Variants in LDAH observed in about 807,000 individuals in gnomAD.
The protein encoded by LDAH is lipid droplet associated hydrolase.
Under a neutral mutation model 29.6 loss-of-function variants are expected in LDAH, and 26 were observed. That is an observed-to-expected ratio of 0.88 (90% CI 0.64 to 1.22). LDAH has a LOEUF of 1.22. LDAH is among the 50% of genes most tolerant of loss of function. The pLI is 0.00. For missense variants in LDAH, 344 were observed against 387.3 expected (o/e 0.89, Z 0.94); for synonymous variants, 117 against 133.0 (o/e 0.88, Z 0.83).
At chr2:20,734,960 T>C (rs1019505243) in intron 5 of LDAH, among the ~76,000 whole-genome samples, 1 of 152,218 alleles carries the variant, frequency 6.6e-6, no homozygotes, top group African/African-American at 2.4e-5. Context: ...TTCCTTTGGG[T>C]CTCCATGGAT....
At chr2:20,799,728 G>A (rs981571182) in intron 2 of LDAH, among the ~76,000 whole-genome samples, 1 of 151,660 alleles carries the variant, frequency 6.6e-6, no homozygotes, top group Admixed American at 6.6e-5. Flanking sequence ...CTGCCTTTAC[G>A]AGATCAATTT....
At chr2:20,821,937 C>A (rs1673344001) in intron 1 of LDAH, among the ~76,000 whole-genome samples, 1 of 152,138 alleles carries the variant, frequency 6.6e-6, no homozygotes, top group Admixed American at 6.5e-5. Flanking sequence ...GTTTCTAAGT[C>A]TTTAACCTTC....
intron 5 of LDAH, among the ~76,000 whole-genome samples, chr2:20,714,139 C>T (rs184480981): frequency 6.6e-6 from 1 of 152,286 alleles, no homozygotes; most frequent in Admixed American, 6.5e-5. Context: ...AAGTAAAGCA[C>T]TCCTCAGCAA....
intron 1 of LDAH, among the ~76,000 whole-genome samples, chr2:20,813,704 C>G (rs79617217): frequency 0.033 from 4,951 of 152,278 alleles, 109 homozygotes; most frequent in Non-Finnish European, 0.05. Context: ...AGAATGGTAT[C>G]TTTCCCTCTG....
intron 5 of LDAH, among the ~76,000 whole-genome samples, chr2:20,712,840 A>G (rs189213316): frequency 0.012 from 1,903 of 152,330 alleles, 26 homozygotes; most frequent in Non-Finnish European, 0.021. Context: ...TTTAGAGAAA[A>G]AAAGAGTAAA....
Position 20,686,859 on chromosome 2 carries a change from C to A in LDAH, c.*44G>T. On this transcript the variant is annotated 3_prime_UTR_variant, in exon 7 of 7. Transcript: ENST00000237822. ...TTACCTACTAAGTCTAGTACACTGA[C>A]TGCCTCCATGTACTGGCAGTGGGGG... 1 of 1,516,112 alleles carries A rather than the reference C, an allele frequency of 6.6e-7. No individual in the cohort carries two copies. Among genetic ancestry groups the A allele is most frequent in the Non-Finnish European group, 9.1e-7 (1 of 1,103,896 alleles). The allele number at this position is 1,516,112 out of a possible 1,614,324, so 93.9% of individuals were successfully genotyped here.
At position 20,698,309 on chromosome 2, in the gene LDAH, ACATAGGGAGTAACATCTAAC is replaced by A. The variant is rs1663649021; in HGVS notation, c.786+3241_786+3260del. ...TGTGTGATAAATGCAATATAACTTT[ACATAGGGAGTAACATCTAAC>A]CAAAACCAAGGACTGGGAAGGCCTC... On this transcript the variant is annotated intron_variant, in intron 6 of 6. Transcript: ENST00000237822. This position sits in a 1 kb window ranked among gnomAD's most constrained non-coding sequence, Gnocchi z 4.4. 6.6e-6 allele frequency among the ~76,000 whole-genome samples: 1 copy of A among 151,790 alleles called. No individual in the cohort carries two copies. Among genetic ancestry groups the A allele is most frequent in the African/African-American group, 2.4e-5 (1 of 41,450 alleles).
intron 5 of LDAH, among the ~76,000 whole-genome samples, chr2:20,722,644 T>C (rs907635547): frequency 3.2e-4 from 49 of 152,332 alleles, no homozygotes; most frequent in African/African-American, 4.3e-4. Flanking sequence ...GGATACCCCA[T>C]TTACCCTAAT....
intron 1 of LDAH, among the ~76,000 whole-genome samples, chr2:20,821,585 G>A (rs570970124): frequency 6.6e-6 from 1 of 152,214 alleles, no homozygotes; most frequent in East Asian, 1.9e-4. Flanking sequence ...TTGGACACAG[G>A]AAGGGGGAGA....
At chr2:20,745,007 A>G (rs1248921275) in intron 4 of LDAH, among the ~76,000 whole-genome samples, 1 of 152,076 alleles carries the variant, frequency 6.6e-6, no homozygotes, top group Non-Finnish European at 1.5e-5. Flanking sequence ...CCTGGGTCCG[A>G]TAAGAATTGA....
At chr2:20,770,072 C>G (rs1327795040) in intron 4 of LDAH, among the ~76,000 whole-genome samples, 1 of 152,072 alleles carries the variant, frequency 6.6e-6, no homozygotes, top group Non-Finnish European at 1.5e-5. Flanking sequence ...ATAACACTAT[C>G]AAAATAATAG....
intron 6 of LDAH, among the ~76,000 whole-genome samples, chr2:20,688,360 G>A (rs1438400507): frequency 2.0e-5 from 3 of 152,156 alleles, no homozygotes; most frequent in Non-Finnish European, 4.4e-5. Flanking sequence ...TAGGGTGGTG[G>A]GAGATAAGAC....
intron 5 of LDAH, among the ~76,000 whole-genome samples, chr2:20,714,721 A>G (rs1211265273): frequency 6.6e-6 from 1 of 152,100 alleles, no homozygotes; most frequent in Non-Finnish European, 1.5e-5. Flanking sequence ...TCTCACAGAA[A>G]TACAAACTAC....
intron 5 of LDAH, among the ~76,000 whole-genome samples, chr2:20,728,099 T>TA (rs1297578999): frequency 6.6e-6 from 1 of 152,210 alleles, no homozygotes; most frequent in Non-Finnish European, 1.5e-5. Flanking sequence ...AATGTGTGTA[T>TA]AAACTAAAGG....
intron 3 of LDAH, among the ~76,000 whole-genome samples, chr2:20,780,819 T>G (rs1263357867): frequency 6.6e-6 from 1 of 152,206 alleles, no homozygotes; most frequent in African/African-American, 2.4e-5. Context: ...TTTACGTGCT[T>G]TCATTTCTAG....
At chr2:20,739,884 G>A (rs1667051717) in intron 5 of LDAH, 87 bp downstream of exon 5, 3 of 894,040 alleles carry the variant, frequency 3.4e-6, no homozygotes, top group Admixed American at 5.5e-5. Flanking sequence ...ATAATTGCTT[G>A]CTTGATATTT....
chr2:20,712,731 C>T (rs1178883532), intron 5 of LDAH, among the ~76,000 whole-genome samples: 3 of 152,118 alleles, frequency 2.0e-5, no homozygotes, highest in East Asian at 1.9e-4. Flanking sequence ...ACAAGAACTA[C>T]GTGATGCCTG....
intron 4 of LDAH, among the ~76,000 whole-genome samples, chr2:20,742,550 T>G (rs113883892): frequency 0.032 from 4,845 of 152,266 alleles, 259 homozygotes; most frequent in African/African-American, 0.11. Flanking sequence ...ATTACGTAAT[T>G]ACCTTTTTTA....
intron 1 of LDAH, among the ~76,000 whole-genome samples, chr2:20,815,976 A>G (rs1558506280): frequency 6.6e-6 from 1 of 152,098 alleles, no homozygotes; most frequent in Non-Finnish European, 1.5e-5. Flanking sequence ...GAAAATACAA[A>G]TATTAAATTT....
Sources: gnomAD v4.1 joint callset for allele counts (sites outside exome capture counted in the v4.1 genomes callset) on GRCh38, gnomAD v4.1.1 for gene constraint, Gnocchi (gnomAD v3.1) non-coding constraint, MANE v1.5 for transcripts, NCBI Gene and HGNC (gene_info 2026-07-23, HGNC 2026-07-21) for gene names.